The following C1orf21 variants were observed in gnomAD, a reference collection of about 807,000 sequenced individuals.
C1orf21 encodes the protein chromosome 1 open reading frame 21.
Under a neutral mutation model 18.7 loss-of-function variants are expected in C1orf21, and 3 were observed. The ratio of observed to expected loss-of-function variants is 0.16; its 90% confidence interval spans 0.07 to 0.42. C1orf21 has a LOEUF of 0.42. C1orf21 is among the 10% of genes least tolerant of loss of function. The probability of loss-of-function intolerance (pLI) is 0.99; values close to 1 mark genes in which losing one functional copy is unlikely to be tolerated. For missense variants in C1orf21, 104 were observed against 143.6 expected (o/e 0.72, Z 1.41); for synonymous variants, 41 against 46.4 (o/e 0.88, Z 0.47).
chr1:184,492,356 A>G (rs1458714732), intron 2 of C1orf21, among the ~76,000 whole-genome samples: 2 of 152,084 alleles, frequency 1.3e-5, no homozygotes, highest in Non-Finnish European at 2.9e-5. Context: ...CAAAGGTTCT[A>G]TTTACCTGCT....
chr1:184,399,775 A>G (rs1407045888), intron 1 of C1orf21, among the ~76,000 whole-genome samples: 1 of 152,188 alleles, frequency 6.6e-6, no homozygotes, highest in East Asian at 1.9e-4. Flanking sequence ...GGCCCTGTAA[A>G]AAACATTGAT....
rs2102018816 is a variant in C1orf21, at chr1:184,627,620, T to A, written c.*8064T>A. On this transcript the variant is annotated 3_prime_UTR_variant, in exon 6 of 6. Transcript: ENST00000235307. Reference sequence around the variant, plus strand: ...AGCTCAAACACCCACTTTTTCCAGATCTTCCTCTTGCTCTTCACTGAGGAA... The same window carrying A: ...AGCTCAAACACCCACTTTTTCCAGAACTTCCTCTTGCTCTTCACTGAGGAA... 1 of 152,386 alleles carries A rather than the reference T, an allele frequency of 6.6e-6. No homozygotes were observed. The highest frequency in any genetic ancestry group is 2.1e-4 in the South Asian group (1 of 4,830). The allele number at this position is 152,386 out of a possible 1,614,324, so 9.4% of individuals were successfully genotyped here.
At chr1:184,555,218 T>A (rs539039598) in intron 3 of C1orf21, among the ~76,000 whole-genome samples, 9 of 152,362 alleles carry the variant, frequency 5.9e-5, no homozygotes, top group African/African-American at 2.2e-4. Context: ...AAATCAGTTT[T>A]CTGCCTCTTA....
intron 3 of C1orf21, among the ~76,000 whole-genome samples, chr1:184,553,985 T>C (rs758055037): frequency 2.0e-5 from 3 of 152,202 alleles, no homozygotes; most frequent in African/African-American, 2.4e-5. Flanking sequence ...ACGTGAACCA[T>C]TCCAGCAGTT....
intron 5 of C1orf21, among the ~76,000 whole-genome samples, chr1:184,616,111 A>G (rs959739728): frequency 6.6e-6 from 1 of 152,238 alleles, no homozygotes; most frequent in Non-Finnish European, 1.5e-5. Flanking sequence ...GGTAATCACC[A>G]TTCTCAGGTC....
At chr1:184,507,182 C>G (rs902455989) in intron 2 of C1orf21, among the ~76,000 whole-genome samples, 1 of 152,112 alleles carries the variant, frequency 6.6e-6, no homozygotes, top group African/African-American at 2.4e-5. Flanking sequence ...ATTGTTGGCA[C>G]AGGCATTTTG....
intron 4 of C1orf21, among the ~76,000 whole-genome samples, chr1:184,595,998 A>C (rs1404299588): frequency 6.6e-6 from 1 of 152,212 alleles, no homozygotes; most frequent in African/African-American, 2.4e-5. Context: ...TTGCTTTCCT[A>C]CATAAGCATC....
At chr1:184,562,249 A>G (rs1250199998) in intron 3 of C1orf21, among the ~76,000 whole-genome samples, 1 of 152,182 alleles carries the variant, frequency 6.6e-6, no homozygotes, top group Non-Finnish European at 1.5e-5. Context: ...GGACTTGAGA[A>G]TGGAAAGAAA....
chr1:184,468,098 A>G (rs1444701175), intron 1 of C1orf21, among the ~76,000 whole-genome samples: 1 of 152,070 alleles, frequency 6.6e-6, no homozygotes, highest in African/African-American at 2.4e-5. Flanking sequence ...CCCCAAAAAG[A>G]GGGTTTTATG....
At chr1:184,581,268 A>T (rs1659270942) in intron 3 of C1orf21, among the ~76,000 whole-genome samples, 2 of 152,070 alleles carry the variant, frequency 1.3e-5, no homozygotes, top group Non-Finnish European at 2.9e-5. Context: ...CTCTACTAAA[A>T]ATACAAAAAT....
intron 1 of C1orf21, among the ~76,000 whole-genome samples, chr1:184,407,955 C>A (rs1221584594): frequency 6.6e-6 from 1 of 152,182 alleles, no homozygotes; most frequent in Non-Finnish European, 1.5e-5. Context: ...AACTTCATTG[C>A]AGATGGGCTA....
chr1:184,550,877 AAGCCATAACTGGCTG>A (rs1658802974), intron 3 of C1orf21, among the ~76,000 whole-genome samples: 1 of 152,184 alleles, frequency 6.6e-6, no homozygotes, highest in Non-Finnish European at 1.5e-5. Context: ...GGACTTGGTT[AAGCCATAACTGGCTG>A]TCTAGAGGTT....
intron 2 of C1orf21, among the ~76,000 whole-genome samples, chr1:184,505,694 C>T (rs1407728602): frequency 3.4e-5 from 5 of 148,316 alleles, no homozygotes; most frequent in East Asian, 2.0e-4. Context: ...ACCCGGGAGG[C>T]GGAGGTTGCA....
intron 2 of C1orf21, among the ~76,000 whole-genome samples, chr1:184,482,322 G>A (rs533678218): frequency 4.6e-5 from 7 of 152,314 alleles, no homozygotes; most frequent in African/African-American, 1.4e-4. Flanking sequence ...AAGCTGCCAG[G>A]CCTCTTAGGA....
chr1:184,396,150 A>G (rs1656047563), intron 1 of C1orf21, among the ~76,000 whole-genome samples: 1 of 152,206 alleles, frequency 6.6e-6, no homozygotes, highest in African/African-American at 2.4e-5. Context: ...GAACTATGCA[A>G]ATCCTTTTAG....
chr1:184,507,592 G>A lies in C1orf21; in HGVS notation c.99G>A (p.Glu33=), dbSNP rs775246641. The change falls in exon 3 of 6, where the codon GAG becomes GAA. Residue 33 remains glutamate (E), a synonymous_variant. Coordinates refer to ENST00000235307, the MANE Select transcript of C1orf21 (RefSeq NM_030806.4). ...TTTTCTTTTTTTGGCACTCAGATGAGTATAGGATCAAACCAGTGGAAGAGG... is the reference window on the plus strand; with the variant it reads ...TTTTCTTTTTTTGGCACTCAGATGAATATAGGATCAAACCAGTGGAAGAGG... ...NYQNGDVFGD[E]YRIKPVEEVK... 1 of 1,598,760 alleles carries A rather than the reference G, an allele frequency of 6.3e-7. No homozygotes were observed. The highest frequency in any genetic ancestry group is 8.5e-7 in the Non-Finnish European group (1 of 1,175,466).
At position 184,579,382 on chromosome 1, in the gene C1orf21, T is replaced by G. The variant is rs1275851484; in HGVS notation, c.190-11357T>G. The stretch of plus-strand genomic sequence containing the variant: ...GTATTTTTTTAATATAAGCTGGGTT[T>G]TTTTTTTTTTTTTTTTTTTTTTTTT... On this transcript the variant is annotated intron_variant, in intron 3 of 5. Coordinates refer to ENST00000235307, the MANE Select transcript of C1orf21 (RefSeq NM_030806.4). Among the ~76,000 whole-genome samples, 4 of 34,194 alleles carry G rather than the reference T, an allele frequency of 1.2e-4. No individual in the cohort carries two copies. The African/African-American group carries it at 1.3e-3, about 11-fold the overall frequency. 22.4% of individuals were successfully genotyped at this position (34,194 alleles called of 152,430 possible).
At chr1:184,437,919 T>C (rs979301339) in intron 1 of C1orf21, among the ~76,000 whole-genome samples, 3 of 152,106 alleles carry the variant, frequency 2.0e-5, no homozygotes, top group Non-Finnish European at 4.4e-5. Flanking sequence ...TAGATCCCTC[T>C]CATGTGCAGT....
intron 1 of C1orf21, among the ~76,000 whole-genome samples, chr1:184,438,601 G>T (rs888004244): frequency 1.3e-5 from 2 of 152,204 alleles, no homozygotes; most frequent in African/African-American, 4.8e-5. Flanking sequence ...CTGGGGCTGG[G>T]CCAGTGTGTT....
Sources: allele counts gnomAD v4.1 joint callset (sites outside exome capture counted in the v4.1 genomes callset), GRCh38; gene constraint gnomAD v4.1.1; transcripts MANE v1.5; gene names NCBI Gene and HGNC (gene_info 2026-07-23, HGNC 2026-07-21).